The following TJP2 variants were observed in gnomAD, a reference collection of about 807,000 sequenced individuals.
TJP2 encodes the protein tight junction protein 2, also known as Friedreich ataxia region gene X104 (tight junction protein ZO-2).
TJP2 carries 91 observed loss-of-function variants against 133.1 expected under a neutral mutation model. That is an observed-to-expected ratio of 0.68 (90% confidence interval 0.58 to 0.81). The LOEUF (loss-of-function observed/expected upper bound fraction) is 0.81. TJP2 is among the 40% of genes least tolerant of loss of function. The pLI is 0.00. For synonymous variants in TJP2, 592 were observed against 583.4 expected, an observed-to-expected ratio of 1.01 and a Z score of -0.21; for missense variants, 1,541 against 1,565.6, an observed-to-expected ratio of 0.98 and a Z score of 0.26.
intron 1 of TJP2, 118 bp downstream of exon 1, chr9:69,174,550 T>TG: frequency 1.6e-6 from 2 of 1,237,848 alleles, no homozygotes; most frequent in Non-Finnish European, 2.3e-6. Context: ...CGTAGGAAGC[T>TG]GGGATTCTCC....
Position 69,254,632 on chromosome 9 carries a change from A to G in TJP2, c.*258A>G, listed in dbSNP as rs1464110148. On this transcript the variant is annotated 3_prime_UTR_variant, in exon 23 of 23. Coordinates refer to ENST00000377245, the MANE Select transcript of TJP2 (RefSeq NM_004817.4). ...CAGAACACTGCAGTCAGATCCTGTT[A>G]CTTGCTTCAGTGGACCGAAATCTGT... is the stretch of plus-strand genomic sequence containing the variant. The G allele has an allele frequency of 3.3e-6, 2 of 599,260 alleles. No individual in the cohort carries two copies. Among genetic ancestry groups the G allele is most frequent in the South Asian group, 2.0e-5 (1 of 50,336 alleles). 37.1% of individuals were successfully genotyped at this position (599,260 alleles called of 1,614,324 possible).
chr9:69,147,511 G>T (rs909214442), intron 1 of TJP2, among the ~76,000 whole-genome samples: 1 of 152,220 alleles, frequency 6.6e-6, no homozygotes, highest in Non-Finnish European at 1.5e-5. Flanking sequence ...GAGTCATCCT[G>T]ATCAAGGGCC....
chr9:69,246,551 T>C, intron 17 of TJP2, 139 bp from the exon 18 acceptor site: 3 of 755,902 alleles, frequency 4.0e-6, no homozygotes, highest in Non-Finnish European at 6.9e-6. Flanking sequence ...GGTTTTAATA[T>C]TCAAAGATGT....
Position 69,136,769 on chromosome 9 carries a change from G to A in TJP2, c.-130-14882G>A, listed in dbSNP as rs12338204. ...GAGGACAGCGGCCCTTTGGTGAGAA[G>A]CCTGGTGATGGTGGTAGGGTGTGTT... On this transcript the variant is annotated intron_variant, in intron 1 of 5. Transcript: ENST00000423935. 9.6e-3 allele frequency among the ~76,000 whole-genome samples: 1,467 copies of A among 152,262 alleles called. 31 individuals carry two copies. The highest frequency in any genetic ancestry group is 0.032 in the African/African-American group (1,346 of 41,552).
intron 1 of TJP2, among the ~76,000 whole-genome samples, chr9:69,181,278 T>G (rs1483927704): frequency 2.6e-5 from 3 of 117,008 alleles, no homozygotes; most frequent in African/African-American, 9.9e-5. Context: ...AGGTGGAGTC[T>G]AGCCCTATCG....
intron 3 of TJP2, 127 bp from the exon 4 acceptor site, chr9:69,218,130 C>G: frequency 1.3e-6 from 1 of 772,932 alleles, no homozygotes; most frequent in Non-Finnish European, 2.2e-6. Flanking sequence ...GCCTTGGGCG[C>G]CACTAGACAC....
chr9:69,145,559 C>T, intron 1 of TJP2: 1 of 424,510 alleles, frequency 2.4e-6, no homozygotes, highest in Non-Finnish European at 4.0e-6. Context: ...GTCTGCCCCC[C>T]CATCACCACG....
intron 12 of TJP2, among the ~76,000 whole-genome samples, chr9:69,235,362 G>A (rs147012593): frequency 0.073 from 11,078 of 151,312 alleles, 463 homozygotes; most frequent in African/African-American, 0.11. Context: ...TGGCTTTGTC[G>A]CTGAGGCTGG....
At position 69,251,211 on chromosome 9, in the gene TJP2, C is replaced by T. The variant is rs1373514245; in HGVS notation, c.3168C>T (p.Ile1056=). The T allele has an allele frequency of 6.2e-7, 1 of 1,614,004 alleles. No homozygotes were observed. Among genetic ancestry groups the T allele is most frequent in the East Asian group, 2.2e-5 (1 of 44,896 alleles). The change falls in exon 21 of 23, where the codon ATC becomes ATT. Residue 1056 remains isoleucine (I), a synonymous_variant. Transcript: ENST00000377245. The part of the protein sequence containing the change: ...GRSILKPSTP[I]PPQEGEEVGE... ...CTATACTGAAGCCCTCCACTCCCAT[C>T]CCTCCTCAAGAGGGTGAGGAGGTGG...
At chr9:69,192,174 A>G (rs1374301223) in intron 1 of TJP2, among the ~76,000 whole-genome samples, 1 of 151,702 alleles carries the variant, frequency 6.6e-6, no homozygotes, top group Non-Finnish European at 1.5e-5. Flanking sequence ...AAAGCTGGGC[A>G]TGGTGGCACA....
At chr9:69,218,431 T>C in intron 4 of TJP2, 72 bp downstream of exon 4, 1 of 1,114,736 alleles carries the variant, frequency 9.0e-7, no homozygotes, top group Non-Finnish European at 1.4e-6. Context: ...AATTACCCCT[T>C]GCTTTTAAGC....
intron 4 of TJP2, chr9:69,218,668 A>G (rs1828571932): frequency 2.7e-6 from 1 of 376,678 alleles, no homozygotes; most frequent in Non-Finnish European, 5.0e-6. Flanking sequence ...TAATTTAGAA[A>G]AAAACTTTCA....
rs1351670385 is a variant in TJP2 at position 69,237,893 on chromosome 9, C to T, written c.2195C>T (p.Pro732Leu). ...GTCATTTCAGCTGGTTTCAAGAGACCTGTGGTCTTATTCGGCCCCATAGCT... is the reference window on the plus strand; with the variant it reads ...GTCATTTCAGCTGGTTTCAAGAGACTTGTGGTCTTATTCGGCCCCATAGCT... ...VLLREAGFKRPVVLFGPIADI... is the reference protein window; with the variant it reads ...VLLREAGFKRLVVLFGPIADI... Residue 732 changes from proline (P) to leucine (L), a missense_variant, in exon 15 of 23, where the codon CCT becomes CTT. Transcript: ENST00000377245. 1.2e-6 allele frequency: 2 copies of T among 1,613,632 alleles called. No homozygotes were observed. Among genetic ancestry groups the T allele is most frequent in the South Asian group, 1.1e-5 (1 of 91,064 alleles).
chr9:69,167,211 C>G (rs1214688220), intron 2 of TJP2, among the ~76,000 whole-genome samples: 1 of 152,132 alleles, frequency 6.6e-6, no homozygotes, highest in Admixed American at 6.6e-5. Context: ...GCACCCCAGC[C>G]TGGGCAACAG....
intron 1 of TJP2, among the ~76,000 whole-genome samples, chr9:69,123,168 C>T (rs1822222005): frequency 6.6e-6 from 1 of 152,108 alleles, no homozygotes; most frequent in South Asian, 2.1e-4. Context: ...ACATTTCCAT[C>T]CGGTTATGTA....
At chr9:69,206,568 T>A in intron 1 of TJP2, among the ~76,000 whole-genome samples, 1 of 151,624 alleles carries the variant, frequency 6.6e-6, no homozygotes, top group Non-Finnish European at 1.5e-5. Flanking sequence ...TTTATTTATT[T>A]ATTTATTTAA....
intron 21 of TJP2, 123 bp from the exon 22 acceptor site, chr9:69,252,692 T>C (rs537924960): frequency 1.1e-6 from 1 of 936,018 alleles, no homozygotes; most frequent in Admixed American, 2.0e-5. Context: ...TTTCCTCTTC[T>C]TGAAATGGGA....
intron 1 of TJP2, chr9:69,205,141 G>T (rs562137351): frequency 1.1e-4 from 171 of 1,536,992 alleles, no homozygotes; most frequent in Admixed American, 1.8e-4. Context: ...CGGTGGCCTG[G>T]CCCATGCATC....
chr9:69,253,013 A>C lies in TJP2; in HGVS notation c.3407+113A>C, dbSNP rs78315340. 557 of 929,452 alleles carry C rather than the reference A, an allele frequency of 6.0e-4. 2 individuals are homozygous for C. In the African/African-American group the frequency reaches 6.9e-3, roughly 11 times the overall value. 57.6% of individuals were successfully genotyped at this position (929,452 alleles called of 1,614,324 possible). A position where few individuals can be genotyped will look rare whatever the true frequency, so the allele number is the denominator to read the frequency against. On this transcript the variant is annotated intron_variant, in intron 22 of 22. Coordinates refer to ENST00000377245, the MANE Select transcript of TJP2 (RefSeq NM_004817.4). ...AGAGTAACAGGAGGATTTTTTCCCC[A>C]CAGATTGACTGTTTGCCTTACTCAT...
Sources: gnomAD v4.1 joint callset for allele counts (sites outside exome capture counted in the v4.1 genomes callset) on GRCh38, gnomAD v4.1.1 for gene constraint, MANE v1.5 for transcripts, NCBI Gene and HGNC (gene_info 2026-07-23, HGNC 2026-07-21) for gene names.